NOPCHAP1: variants seen among roughly 807,000 people sequenced by gnomAD.
NOPCHAP1 encodes the protein NOP protein chaperone 1.
In NOPCHAP1, 13 loss-of-function variants were observed where a neutral mutation model predicts 14.0. The ratio of observed to expected loss-of-function variants is 0.93; its 90% CI spans 0.60 to 1.47. The LOEUF (loss-of-function observed/expected upper bound fraction) is 1.47. Among genes scored for constraint, NOPCHAP1 ranks in the 40% most tolerant of loss-of-function variants. NOPCHAP1 has a pLI of 0.00. For missense variants in NOPCHAP1, 230 were observed against 226.9 expected, an observed-to-expected ratio of 1.01 and a Z score of -0.09; for synonymous variants, 78 against 78.4, an observed-to-expected ratio of 1.00 and a Z score of 0.03.
At chr12:104,992,868 G>A (rs942186215) in intron 3 of NOPCHAP1, among the ~76,000 whole-genome samples, 10 of 152,120 alleles carry the variant, frequency 6.6e-5, no homozygotes, top group East Asian at 3.9e-4. Context: ...GCCAAGGTCC[G>A]TGGAAGAATT....
rs375924632 is a variant in NOPCHAP1 at position 104,986,344 on chromosome 12, G to A, written c.-9G>A. On this transcript the variant is annotated 5_prime_UTR_variant, in exon 1 of 4. Transcript: ENST00000552951. ...CATCCGGGCCTGAGAGTGCAGGCTT[G>A]AGGGAAGCATGGAGGTCCATGGCAA... 2.8e-5 allele frequency: 45 copies of A among 1,602,938 alleles called. No individual in the cohort carries two copies. Among genetic ancestry groups the A allele is most frequent in the Non-Finnish European group, 3.7e-5 (43 of 1,174,748 alleles).
At position 105,011,940 on chromosome 12, in the gene NOPCHAP1, A is replaced by G. The variant is rs956564446; in HGVS notation, c.*17244A>G. 1 of 151,704 alleles carries G rather than the reference A, an allele frequency of 6.6e-6. No individual in the cohort carries two copies. The highest frequency in any genetic ancestry group is 2.4e-5 in the African/African-American group (1 of 41,284). The allele number at this position is 151,704 out of a possible 1,614,324, so 9.4% of individuals were successfully genotyped here. A position where few individuals can be genotyped will look rare whatever the true frequency, so the allele number is the denominator to read the frequency against. On this transcript the variant is annotated 3_prime_UTR_variant, in exon 4 of 4. Coordinates refer to ENST00000552951, the MANE Select transcript of NOPCHAP1 (RefSeq NM_152318.3). ...CCTTAACATTTTTTCCTTCATTTCAACCTTGGTGAATCTGATGATTATGTG... is the reference window on the plus strand; with the variant it reads ...CCTTAACATTTTTTCCTTCATTTCAGCCTTGGTGAATCTGATGATTATGTG...
In NOPCHAP1 at chr12:105,009,568, T is replaced by C. The variant is rs1346426183; in HGVS notation, c.*14872T>C. On this transcript the variant is annotated 3_prime_UTR_variant, in exon 4 of 4. Coordinates refer to ENST00000552951, the MANE Select transcript of NOPCHAP1 (RefSeq NM_152318.3). ...GTTTTCAAAGGGAATGCTTCCAGCT[T>C]TTGCCCGTTCAGTATGATATTGGCT... 6.6e-6 allele frequency: 1 copy of C among 152,216 alleles called. No homozygotes were observed. The highest frequency in any genetic ancestry group is 1.5e-5 in the Non-Finnish European group (1 of 68,040). 9.4% of individuals were successfully genotyped at this position (152,216 alleles called of 1,614,324 possible). A position where few individuals can be genotyped will look rare whatever the true frequency, so the allele number is the denominator to read the frequency against.
Position 104,986,359 on chromosome 12 carries a change from G to A in NOPCHAP1, c.7G>A (p.Val3Ile), listed in dbSNP as rs1452414826. 8 of 1,608,640 alleles carry A rather than the reference G, an allele frequency of 5.0e-6. No individual in the cohort carries two copies. In the African/African-American group the frequency reaches 8.0e-5, roughly 16 times the overall value. ME[V>I]HGKPKASPSC... is the part of the protein sequence containing the mutation. ...GTGCAGGCTTGAGGGAAGCATGGAG[G>A]TCCATGGCAAGCCCAAGGCTAGCCC... The change falls in exon 1 of 4, where the codon GTC becomes ATC. Residue 3 changes from valine to isoleucine, a missense_variant. Val to Ile is a conservative substitution (Grantham distance 29, BLOSUM62 3). Transcript: ENST00000552951.
chr12:105,001,889 TTTTC>T lies in NOPCHAP1; in HGVS notation c.*7197_*7200del, dbSNP rs1252307838. On this transcript the variant is annotated 3_prime_UTR_variant, in exon 4 of 4. Coordinates refer to ENST00000552951, the MANE Select transcript of NOPCHAP1 (RefSeq NM_152318.3). ...ACTTTTGTTTTTCCATGTTTATTTC[TTTTC>T]TTTTTTTAATAGTACTTTGAGTTGC... The T allele has an allele frequency of 6.6e-6, 1 of 152,234 alleles. No individual in the cohort carries two copies. The highest frequency in any genetic ancestry group is 2.4e-5 in the African/African-American group (1 of 41,458). The allele number at this position is 152,234 out of a possible 1,614,324, so 9.4% of individuals were successfully genotyped here.
rs1260904588 is a variant in NOPCHAP1 at position 105,012,775 on chromosome 12, C to T, written c.*18079C>T. On this transcript the variant is annotated 3_prime_UTR_variant, in exon 4 of 4. Transcript: ENST00000552951. ...AGGTCTGCTGGAGTTTGCTGGAGGT[C>T]CACTCCAGACCCTGTTTACCTGGGT... 1.3e-5 allele frequency: 2 copies of T among 152,804 alleles called. No individual in the cohort carries two copies. The highest frequency in any genetic ancestry group is 2.9e-5 in the Non-Finnish European group (2 of 68,548). 9.5% of individuals were successfully genotyped at this position (152,804 alleles called of 1,614,324 possible).
rs557040426 is a variant in NOPCHAP1, at chr12:104,999,352, C to G, written c.*4656C>G. Reference sequence around the variant, plus strand: ...TGGGTGGGGGTAGTACTGGAGTTCTCTGCCATTCAGGCACGATCTGCCAAC... The same window carrying G: ...TGGGTGGGGGTAGTACTGGAGTTCTGTGCCATTCAGGCACGATCTGCCAAC... On this transcript the variant is annotated 3_prime_UTR_variant, in exon 4 of 4. Transcript: ENST00000552951. 6.6e-6 allele frequency: 1 copy of G among 152,544 alleles called. No homozygotes were observed. Among genetic ancestry groups the G allele is most frequent in the South Asian group, 2.1e-4 (1 of 4,830 alleles). 9.4% of individuals were successfully genotyped at this position (152,544 alleles called of 1,614,324 possible).
Position 105,007,487 on chromosome 12 carries a change from A to G in NOPCHAP1, c.*12791A>G, listed in dbSNP as rs912306945. 6.6e-6 allele frequency: 1 copy of G among 152,166 alleles called. No individual in the cohort carries two copies. The highest frequency in any genetic ancestry group is 2.4e-5 in the African/African-American group (1 of 41,442). The allele number at this position is 152,166 out of a possible 1,614,324, so 9.4% of individuals were successfully genotyped here. ...GTAGCACTTTATATGGTTCCTACCT[A>G]TGGTGTTATTCAAGGTTTACAATAT... On this transcript the variant is annotated 3_prime_UTR_variant, in exon 4 of 4. Coordinates refer to ENST00000552951, the MANE Select transcript of NOPCHAP1 (RefSeq NM_152318.3).
Position 105,000,191 on chromosome 12 carries a change from C to T in NOPCHAP1, c.*5495C>T, listed in dbSNP as rs1257207034. The T allele has an allele frequency of 3.9e-5, 6 of 152,184 alleles. No homozygotes were observed. The highest frequency in any genetic ancestry group is 1.4e-4 in the African/African-American group (6 of 41,438). 9.4% of individuals were successfully genotyped at this position (152,184 alleles called of 1,614,324 possible). A position where few individuals can be genotyped will look rare whatever the true frequency, so the allele number is the denominator to read the frequency against. On this transcript the variant is annotated 3_prime_UTR_variant, in exon 4 of 4. Transcript: ENST00000552951. Reference sequence around the variant, plus strand: ...AGCATAATATACCTTTTGTAGGCATCACTTGGTTTGATGTTCTATATTTGA... The same window carrying T: ...AGCATAATATACCTTTTGTAGGCATTACTTGGTTTGATGTTCTATATTTGA...
At chr12:104,992,557 G>T (rs1312339179) in intron 3 of NOPCHAP1, among the ~76,000 whole-genome samples, 1 of 152,136 alleles carries the variant, frequency 6.6e-6, no homozygotes, top group Non-Finnish European at 1.5e-5. Flanking sequence ...CCTTCAAAGG[G>T]TCCATATGAT....
rs1412100749 is a variant in NOPCHAP1, at chr12:104,997,165, G to A, written c.*2469G>A. On this transcript the variant is annotated 3_prime_UTR_variant, in exon 4 of 4. Transcript: ENST00000552951. ...GTTACCATGCAGACTTGTCTGTGTG[G>A]TTGCTTTATAGTGTTACTAATCTAC... is the stretch of plus-strand genomic sequence containing the variant. The A allele has an allele frequency of 1.3e-5, 2 of 152,180 alleles. No homozygotes were observed. Among genetic ancestry groups the A allele is most frequent in the Non-Finnish European group, 1.5e-5 (1 of 68,034 alleles). 9.4% of individuals were successfully genotyped at this position (152,180 alleles called of 1,614,324 possible).
chr12:104,990,751 C>T (rs546340965), intron 2 of NOPCHAP1, among the ~76,000 whole-genome samples: 5 of 152,274 alleles, frequency 3.3e-5, no homozygotes, highest in East Asian at 3.9e-4. Context: ...TGGATTAGTA[C>T]GCTGAGGTTT....
rs1273114285 is a variant in NOPCHAP1, at chr12:105,009,111, A to G, written c.*14415A>G. The G allele has an allele frequency of 6.6e-6, 1 of 152,192 alleles. No individual in the cohort carries two copies. The highest frequency in any genetic ancestry group is 2.4e-5 in the African/African-American group (1 of 41,436). The allele number at this position is 152,192 out of a possible 1,614,324, so 9.4% of individuals were successfully genotyped here. A position where few individuals can be genotyped will look rare whatever the true frequency, so the allele number is the denominator to read the frequency against. Reference sequence around the variant, plus strand: ...TTCACGATATTGATTCTTCCTATCCATGAGCATGGAATGTTTTTCCATTTG... The same window carrying G: ...TTCACGATATTGATTCTTCCTATCCGTGAGCATGGAATGTTTTTCCATTTG... On this transcript the variant is annotated 3_prime_UTR_variant, in exon 4 of 4. Transcript: ENST00000552951.
chr12:105,013,218 C>G lies in NOPCHAP1; in HGVS notation c.*18522C>G, dbSNP rs1437166967. 6.6e-6 allele frequency: 1 copy of G among 152,402 alleles called. No homozygotes were observed. The allele number at this position is 152,402 out of a possible 1,614,324, so 9.4% of individuals were successfully genotyped here. ...TAGAGAGGCAGTCTAGGCACAGCTGCTTTGCCGCACTGTGGTGGGCTCTGC... is the reference window on the plus strand; with the variant it reads ...TAGAGAGGCAGTCTAGGCACAGCTGGTTTGCCGCACTGTGGTGGGCTCTGC... On this transcript the variant is annotated 3_prime_UTR_variant, in exon 4 of 4. Transcript: ENST00000552951.
chr12:104,994,551 G>C lies in NOPCHAP1; in HGVS notation c.413G>C (p.Ser138Thr), dbSNP rs766056750. 9.9e-6 allele frequency: 16 copies of C among 1,612,926 alleles called. No individual in the cohort carries two copies. In the East Asian group the frequency reaches 3.6e-4, roughly 36 times the overall value. The change falls in exon 4 of 4, where the codon AGT becomes ACT. Residue 138 changes from serine (S) to threonine (T), a missense_variant. By Grantham distance (58) the Ser-to-Thr change is moderately conservative. Coordinates refer to ENST00000552951, the MANE Select transcript of NOPCHAP1 (RefSeq NM_152318.3). ...AGTTCAGAAGAGAGTTCACAAGACAGTTCAGAGAACAGTTCAGAATCAGAA... is the reference window on the plus strand; with the variant it reads ...AGTTCAGAAGAGAGTTCACAAGACACTTCAGAGAACAGTTCAGAATCAGAA... ...VDSSEESSQD[S>T]SENSSESEDE...
chr12:104,996,825 T>A lies in NOPCHAP1; in HGVS notation c.*2129T>A, dbSNP rs1436560397. The A allele has an allele frequency of 1.3e-5, 2 of 152,250 alleles. No homozygotes were observed. The highest frequency in any genetic ancestry group is 2.4e-5 in the African/African-American group (1 of 41,468). The allele number at this position is 152,250 out of a possible 1,614,324, so 9.4% of individuals were successfully genotyped here. On this transcript the variant is annotated 3_prime_UTR_variant, in exon 4 of 4. Transcript: ENST00000552951. ...TTAGGATAGTTAGGTCTTATTGAAT[T>A]AAGCCCTTTATCATTATGTAATGCC...
chr12:104,989,343 G>C (rs903190114), intron 2 of NOPCHAP1, among the ~76,000 whole-genome samples: 1 of 152,186 alleles, frequency 6.6e-6, no homozygotes, highest in African/African-American at 2.4e-5. Flanking sequence ...TTGTGTGTCT[G>C]AGAAAGTATT....
At position 104,994,557 on chromosome 12, in the gene NOPCHAP1, A is replaced by G; in HGVS notation, c.419A>G (p.Glu140Gly). ...SSEESSQDSS[E>G]NSSESEDEDD... ...GAAGAGAGTTCACAAGACAGTTCAG[A>G]GAACAGTTCAGAATCAGAAGACGAA... The change falls in exon 4 of 4, where the codon GAG (glutamate) becomes GGG (glycine). Residue 140 changes from glutamate (E) to glycine (G), a missense_variant. By Grantham distance (98) the Glu-to-Gly change is moderately conservative (BLOSUM62 -2). Coordinates refer to ENST00000552951, the MANE Select transcript of NOPCHAP1 (RefSeq NM_152318.3). 1 of 1,612,812 alleles carries G rather than the reference A, an allele frequency of 6.2e-7. No homozygotes were observed. Among genetic ancestry groups the G allele is most frequent in the Non-Finnish European group, 8.5e-7 (1 of 1,179,228 alleles).
intron 2 of NOPCHAP1, 56 bp downstream of exon 2, chr12:104,988,309 G>T: frequency 7.3e-7 from 1 of 1,375,690 alleles, no homozygotes; most frequent in Non-Finnish European, 1.0e-6. Context: ...GTCTGATTAA[G>T]CTGTGGGACG....
Sources: allele counts gnomAD v4.1 joint callset (sites outside exome capture counted in the v4.1 genomes callset), GRCh38; gene constraint gnomAD v4.1.1; transcripts MANE v1.5; gene names NCBI Gene and HGNC (gene_info 2026-07-23, HGNC 2026-07-21).